ZBTB26: variants seen among roughly 807,000 people sequenced by gnomAD.
ZBTB26 encodes zinc finger and BTB domain-containing protein 26.
A neutral mutation model predicts 31.6 loss-of-function variants in ZBTB26; 12 were observed. That is an observed-to-expected ratio of 0.38 (90% CI 0.24 to 0.61). The LOEUF (loss-of-function observed/expected upper bound fraction) is 0.61. Ranked by LOEUF, ZBTB26 falls within the 20% of genes least tolerant of loss-of-function variation. The pLI is 0.60. For missense variants in ZBTB26, 311 were observed against 521.9 expected (o/e 0.60, Z 3.94); for synonymous variants, 155 against 182.9 (o/e 0.85, Z 1.23).
In ZBTB26 at chr9:122,916,311, C is replaced by G. The variant is rs571475205; in HGVS notation, c.*2298G>C. 6.6e-6 allele frequency: 1 copy of G among 152,334 alleles called. No individual in the cohort carries two copies. Among genetic ancestry groups the G allele is most frequent in the South Asian group, 2.1e-4 (1 of 4,828 alleles). 9.4% of individuals were successfully genotyped at this position (152,334 alleles called of 1,614,324 possible). On this transcript the variant is annotated 3_prime_UTR_variant, in exon 2 of 2. Transcript: ENST00000373656. ...TTTGTTTCACTAAGACCACATGAGA[C>G]TATAAGCTCCATGAGGGCAGGGACT...
In ZBTB26 at chr9:122,918,658, A is replaced by G. The variant is rs1056485575; in HGVS notation, c.1277T>C (p.Leu426Pro). The G allele has an allele frequency of 6.2e-7, 1 of 1,614,076 alleles. No individual in the cohort carries two copies. The highest frequency in any genetic ancestry group is 1.3e-5 in the African/African-American group (1 of 74,938). ...DATQVLDAGK[L>P]AQAVLNLRND... ...TCTTAAGTTCAGGACAGCTTGGGCC[A>G]GTTTACCTGCATCCAGGACCTGTGT... Residue 426 changes from leucine (L) to proline (P), a missense_variant, in exon 2 of 2, where the codon CTG (leucine) becomes CCG (proline). By Grantham distance (98) the Leu-to-Pro change is moderately conservative. This residue lies in a region of ZBTB26 where 49 missense variants were observed against 66.0 expected (regional missense o/e 0.74). Coordinates refer to ENST00000373656, the MANE Select transcript of ZBTB26 (RefSeq NM_020924.4).
chr9:122,930,431 C>T (rs950258373), intron 1 of ZBTB26, among the ~76,000 whole-genome samples: 2 of 152,186 alleles, frequency 1.3e-5, no homozygotes, highest in Admixed American at 6.5e-5. Flanking sequence ...TTGCCTCTCA[C>T]TAGGCTGATC....
intron 1 of ZBTB26, among the ~76,000 whole-genome samples, chr9:122,921,264 A>G (rs564146925): frequency 6.6e-6 from 1 of 152,346 alleles, no homozygotes; most frequent in Non-Finnish European, 1.5e-5. Flanking sequence ...TGCCAACACG[A>G]TAATTCCAGT....
chr9:122,920,982 T>C (rs2539925), intron 1 of ZBTB26, among the ~76,000 whole-genome samples: 2,446 of 152,270 alleles, frequency 0.016, 42 homozygotes, highest in Non-Finnish European at 0.024. Context: ...CTGCCTAAAC[T>C]CCTTCAGTGA....
chr9:122,931,307 C>G (rs1833281372), intron 1 of ZBTB26, 130 bp downstream of exon 1: 1 of 152,852 alleles, frequency 6.5e-6, no homozygotes, highest in African/African-American at 2.4e-5. Flanking sequence ...CTCCTCAAGT[C>G]CCCAGGGGCC....
At chr9:122,923,013 A>G (rs1048268948) in intron 1 of ZBTB26, among the ~76,000 whole-genome samples, 1 of 151,900 alleles carries the variant, frequency 6.6e-6, no homozygotes, top group African/African-American at 2.4e-5. Flanking sequence ...GTGAAACCCC[A>G]TCTCTACTAA....
chr9:122,921,792 G>A (rs754708772), intron 1 of ZBTB26, among the ~76,000 whole-genome samples: 9 of 152,174 alleles, frequency 5.9e-5, no homozygotes, highest in South Asian at 2.1e-4. Flanking sequence ...TTAGCTGGGC[G>A]TAGTGGCACA....
At chr9:122,927,119 G>A (rs1260076839) in intron 1 of ZBTB26, among the ~76,000 whole-genome samples, 1 of 152,082 alleles carries the variant, frequency 6.6e-6, no homozygotes, top group Non-Finnish European at 1.5e-5. Flanking sequence ...CATAGTTCAG[G>A]TCTTTATTAT....
chr9:122,928,550 T>C (rs1833218940), intron 1 of ZBTB26, among the ~76,000 whole-genome samples: 1 of 152,234 alleles, frequency 6.6e-6, no homozygotes. Flanking sequence ...ATTGTTTTGC[T>C]GGTCTGTTCT....
At chr9:122,925,821 A>AGT (rs1833169229) in intron 1 of ZBTB26, among the ~76,000 whole-genome samples, 1 of 146,736 alleles carries the variant, frequency 6.8e-6, no homozygotes, top group East Asian at 2.0e-4. Context: ...CCCAGGCTGA[A>AGT]GTGCAATGGG....
chr9:122,926,372 T>C (rs1833180297), intron 1 of ZBTB26, among the ~76,000 whole-genome samples: 1 of 151,262 alleles, frequency 6.6e-6, no homozygotes. Flanking sequence ...CCAGGAGTGG[T>C]GGCGGGCACC....
rs1459945348 is a variant in ZBTB26 at position 122,916,552 on chromosome 9, T to C, written c.*2057A>G. The C allele has an allele frequency of 2.0e-5, 3 of 152,232 alleles. No individual in the cohort carries two copies. Among genetic ancestry groups the C allele is most frequent in the African/African-American group, 7.2e-5 (3 of 41,462 alleles). 9.4% of individuals were successfully genotyped at this position (152,232 alleles called of 1,614,324 possible). A position where few individuals can be genotyped will look rare whatever the true frequency, so the allele number is the denominator to read the frequency against. ...GAAGCACTCCAACTTGAAATTTCCC[T>C]GTGAAGAAATGATGTTGACAGAAAA... On this transcript the variant is annotated 3_prime_UTR_variant, in exon 2 of 2. Transcript: ENST00000373656.
rs1291691117 is a variant in ZBTB26 at position 122,931,469 on chromosome 9, C to A, written c.-43G>T. 1.3e-5 allele frequency: 2 copies of A among 152,642 alleles called. No homozygotes were observed. The highest frequency in any genetic ancestry group is 1.9e-4 in the East Asian group (1 of 5,188). 9.5% of individuals were successfully genotyped at this position (152,642 alleles called of 1,614,324 possible). On this transcript the variant is annotated 5_prime_UTR_variant, in exon 1 of 2. Transcript: ENST00000373656. ...GGGGAAGGCCGCCGTCAGGATCCGG[C>A]ACCGCCAGGAGCTCCGGCCCCTCGG...
At chr9:122,921,536 C>A (rs1194691501) in intron 1 of ZBTB26, among the ~76,000 whole-genome samples, 1 of 152,212 alleles carries the variant, frequency 6.6e-6, no homozygotes, top group Non-Finnish European at 1.5e-5. Flanking sequence ...ATATCAGCTC[C>A]TGATGGCAGA....
chr9:122,926,909 G>C (rs1364003734), intron 1 of ZBTB26, among the ~76,000 whole-genome samples: 1 of 152,072 alleles, frequency 6.6e-6, no homozygotes, highest in Non-Finnish European at 1.5e-5. Flanking sequence ...CCCAACTGTA[G>C]GTAACTTCTA....
In ZBTB26 at chr9:122,924,615, C is replaced by CTTTTTTTTTTTTTTT. The variant is rs1554778683; in HGVS notation, c.-10-4672_-10-4671insAAAAAAAAAAAAAAA. Among the ~76,000 whole-genome samples, 4 of 9,366 alleles carry CTTTTTTTTTTTTTTT rather than the reference C, an allele frequency of 4.3e-4. 2 individuals are homozygous for CTTTTTTTTTTTTTTT. The allele number at this position is 9,366 out of a possible 152,430, so 6.1% of individuals were successfully genotyped here. A position where few individuals can be genotyped will look rare whatever the true frequency, so the allele number is the denominator to read the frequency against. On this transcript the variant is annotated intron_variant, in intron 1 of 1. Transcript: ENST00000373656. ...TTGGCAATATAAAACCAAATTTCAACTTTCTTTTTTTTTTTTTTTTTTGAG... is the reference window on the plus strand; with the variant it reads ...TTGGCAATATAAAACCAAATTTCAACTTTTTTTTTTTTTTTTTTCTTTTTTTTTTTTTTTTTTGAG...
chr9:122,923,939 T>TATTA (rs1178990649), intron 1 of ZBTB26, among the ~76,000 whole-genome samples: 41 of 152,350 alleles, frequency 2.7e-4, no homozygotes, highest in African/African-American at 9.4e-4. Flanking sequence ...TGTGTTACAA[T>TATTA]TGCCTACAGT....
At chr9:122,924,352 T>C (rs1479463813) in intron 1 of ZBTB26, among the ~76,000 whole-genome samples, 1 of 152,212 alleles carries the variant, frequency 6.6e-6, no homozygotes, top group African/African-American at 2.4e-5. Flanking sequence ...ATCTTATCCC[T>C]TAATTGTTTC....
rs746087361 is a variant in ZBTB26 at position 122,919,557 on chromosome 9, A to G, written c.378T>C (p.Phe126=). 3 of 1,614,188 alleles carry G rather than the reference A, an allele frequency of 1.9e-6. No homozygotes were observed. The highest frequency in any genetic ancestry group is 1.6e-4 in the Middle Eastern group (1 of 6,062). The change falls in exon 2 of 2, where the codon TTT becomes TTC. Residue 126 remains phenylalanine, a synonymous_variant. Transcript: ENST00000373656. This position sits in a 1 kb window ranked among gnomAD's most constrained non-coding sequence, Gnocchi z 6.1. ...TATCCATTGGTTGTTTTGGCTTTAT[A>G]AACTTCCACAGGGCCTGTGTGCACC... The part of the protein sequence containing the change: ...VERCTQALWK[F]IKPKQPMDSK...
Sources: gnomAD v4.1 joint callset for allele counts (sites outside exome capture counted in the v4.1 genomes callset) on GRCh38, gnomAD v4.1.1 for gene constraint, gnomAD v4.1.1 regional missense constraint, Gnocchi (gnomAD v3.1) non-coding constraint, MANE v1.5 for transcripts, NCBI Gene and HGNC (gene_info 2026-07-23, HGNC 2026-07-21) for gene names.